The following AK8 variants were observed in gnomAD, a reference collection of about 807,000 sequenced individuals.
AK8 encodes ATP-AMP transphosphorylase 8.
Under a neutral mutation model 54.6 loss-of-function variants are expected in AK8, and 44 were observed. The ratio of observed to expected loss-of-function variants is 0.81; its 90% CI spans 0.63 to 1.04. The LOEUF (loss-of-function observed/expected upper bound fraction) is 1.04. Ranked by LOEUF, AK8 falls within the 50% of genes least tolerant of loss-of-function variation. The pLI, the probability that AK8 is intolerant of heterozygous loss-of-function variation, is 0.00. For synonymous variants in AK8, 239 were observed against 245.6 expected, an observed-to-expected ratio of 0.97 and a Z score of 0.25; for missense variants, 555 against 613.6, an observed-to-expected ratio of 0.90 and a Z score of 1.01.
In AK8 at chr9:132,878,247, G is replaced by A. The variant is rs748378966; in HGVS notation, c.9C>T (p.Ala3=). The A allele has an allele frequency of 7.2e-7, 1 of 1,395,806 alleles. No homozygotes were observed. The highest frequency in any genetic ancestry group is 9.4e-7 in the Non-Finnish European group (1 of 1,067,204). The allele number at this position is 1,395,806 out of a possible 1,614,324, so 86.5% of individuals were successfully genotyped here. ...GGGGGATACGGTGCGGGGCGATAGT[G>A]GCGTCCATGTAGCCGTCTCGGCTCG... The part of the protein sequence containing the change: MD[A]TIAPHRIPPE... Residue 3 remains alanine, a synonymous_variant, in exon 1 of 13, where the codon GCC becomes GCT. Transcript: ENST00000298545. The surrounding 1 kb of genome is among the most constrained non-coding windows in gnomAD (Gnocchi z 4.7).
At chr9:132,874,477 C>G (rs573312324) in intron 2 of AK8, 29 of 152,622 alleles carry the variant, frequency 1.9e-4, no homozygotes, top group African/African-American at 6.0e-4. Context: ...AGCTCCAAGA[C>G]ATCGGTCCTC....
Position 132,778,877 on chromosome 9 carries a change from A to G in AK8, c.1121+13757T>C, listed in dbSNP as rs569896520. 1.5e-4 allele frequency among the ~76,000 whole-genome samples: 23 copies of G among 152,280 alleles called. No homozygotes were observed. The East Asian group carries it at 4.2e-3, about 28-fold the overall frequency. On this transcript the variant is annotated intron_variant, in intron 11 of 12. Coordinates refer to ENST00000298545, the MANE Select transcript of AK8 (RefSeq NM_152572.3). ...TTGCTTCAGTTTGAATTGAAAAAAA[A>G]AAAATTTCCAGTTTTCTTGGCTCGA... is the stretch of plus-strand genomic sequence containing the variant.
intron 11 of AK8, among the ~76,000 whole-genome samples, chr9:132,763,791 A>G (rs1838595153): frequency 6.6e-6 from 1 of 152,238 alleles, no homozygotes; most frequent in Non-Finnish European, 1.5e-5. Context: ...TTGCTTAATT[A>G]AAGTCTGCTG....
chr9:132,765,120 G>A (rs565681923), intron 11 of AK8, among the ~76,000 whole-genome samples: 10 of 151,754 alleles, frequency 6.6e-5, no homozygotes, highest in Admixed American at 2.0e-4. Context: ...CGGTGAAACC[G>A]CATCTCTACT....
At chr9:132,768,738 CAG>C (rs915568679) in intron 11 of AK8, among the ~76,000 whole-genome samples, 1 of 152,168 alleles carries the variant, frequency 6.6e-6, no homozygotes, top group African/African-American at 2.4e-5. Context: ...TGTCTGCTAA[CAG>C]AGGGTATTTA....
At chr9:132,806,768 C>G (rs928356334) in intron 10 of AK8, among the ~76,000 whole-genome samples, 2 of 152,230 alleles carry the variant, frequency 1.3e-5, no homozygotes, top group African/African-American at 2.4e-5. Flanking sequence ...GATCTGGACT[C>G]ACGGAAGGCT....
At chr9:132,764,358 A>G (rs996044927) in intron 11 of AK8, among the ~76,000 whole-genome samples, 6 of 152,158 alleles carry the variant, frequency 3.9e-5, no homozygotes, top group Non-Finnish European at 8.8e-5. Context: ...ATCAGGGCAG[A>G]AATAAAACTA....
At chr9:132,739,258 T>C (rs77885577) in intron 11 of AK8, among the ~76,000 whole-genome samples, 2 of 151,454 alleles carry the variant, frequency 1.3e-5, no homozygotes, top group African/African-American at 4.8e-5. Flanking sequence ...GAGACCAGCC[T>C]GGCCAAGACG....
intron 2 of AK8, among the ~76,000 whole-genome samples, chr9:132,869,364 C>T (rs1332764998): frequency 6.6e-6 from 1 of 152,212 alleles, no homozygotes; most frequent in East Asian, 1.9e-4. Context: ...GCCCATGATG[C>T]TGCTGTCACA....
intron 4 of AK8, among the ~76,000 whole-genome samples, chr9:132,862,329 CTT>C (rs78166067): frequency 6.9e-5 from 10 of 144,490 alleles, no homozygotes; most frequent in Admixed American, 1.4e-4. Flanking sequence ...CTTTCTCTCT[CTT>C]TTTTTTTTTT....
At chr9:132,823,590 G>A (rs1841746814) in intron 8 of AK8, among the ~76,000 whole-genome samples, 1 of 152,234 alleles carries the variant, frequency 6.6e-6, no homozygotes. Context: ...TCTCAACACA[G>A]GCGTCTAAAC....
intron 10 of AK8, among the ~76,000 whole-genome samples, chr9:132,804,567 G>A (rs1032687383): frequency 6.6e-6 from 1 of 151,948 alleles, no homozygotes; most frequent in African/African-American, 2.4e-5. Flanking sequence ...TCCCAGGGAG[G>A]GGGGTGGGAG....
intron 10 of AK8, among the ~76,000 whole-genome samples, chr9:132,813,396 A>G (rs750093686): frequency 3.3e-5 from 5 of 152,160 alleles, no homozygotes; most frequent in Non-Finnish European, 7.4e-5. Context: ...CTCCTCATCA[A>G]CCTGCTCCAT....
Position 132,799,152 on chromosome 9 carries a change from C to T in AK8, c.980-6377G>A, listed in dbSNP as rs1264700852. ...GGTTTTCCAGCAGGCACCAGAGGCCCCTCCTGCTGCGCCACGCCGCCGCCT... is the reference window on the plus strand; with the variant it reads ...GGTTTTCCAGCAGGCACCAGAGGCCTCTCCTGCTGCGCCACGCCGCCGCCT... On this transcript the variant is annotated intron_variant, in intron 10 of 12. Coordinates refer to ENST00000298545, the MANE Select transcript of AK8 (RefSeq NM_152572.3). The surrounding 1 kb of genome is among the most constrained non-coding windows in gnomAD (Gnocchi z 5.0). 6.6e-6 allele frequency among the ~76,000 whole-genome samples: 1 copy of T among 152,172 alleles called. No homozygotes were observed. The highest frequency in any genetic ancestry group is 2.4e-5 in the African/African-American group (1 of 41,420).
chr9:132,811,765 A>G (rs1269357207), intron 10 of AK8, among the ~76,000 whole-genome samples: 2 of 152,262 alleles, frequency 1.3e-5, no homozygotes, highest in Non-Finnish European at 2.9e-5. Context: ...CTCAGGCCTC[A>G]GGGTATCCTA....
At chr9:132,752,477 C>G (rs951121416) in intron 11 of AK8, among the ~76,000 whole-genome samples, 19 of 152,122 alleles carry the variant, frequency 1.2e-4, no homozygotes, top group Admixed American at 5.9e-4. Context: ...TCTCGATCTC[C>G]TGACCTCGTG....
intron 5 of AK8, among the ~76,000 whole-genome samples, chr9:132,832,147 TAAAA>T (rs11284702): frequency 1.9e-5 from 2 of 105,410 alleles, no homozygotes; most frequent in Admixed American, 1.1e-4. Context: ...CACTGACATT[TAAAA>T]AAAAAAAAAA....
At chr9:132,763,536 T>C (rs1316139336) in intron 11 of AK8, among the ~76,000 whole-genome samples, 2 of 152,268 alleles carry the variant, frequency 1.3e-5, no homozygotes, top group East Asian at 3.8e-4. Flanking sequence ...AAACAGACTG[T>C]AACTTATTTT....
intron 4 of AK8, among the ~76,000 whole-genome samples, chr9:132,862,964 T>A (rs940540350): frequency 1.3e-5 from 2 of 152,248 alleles, no homozygotes; most frequent in African/African-American, 4.8e-5. Context: ...CGTGCCACCA[T>A]GCCCAGCCAG....
Sources: gnomAD v4.1 joint callset for allele counts (sites outside exome capture counted in the v4.1 genomes callset) on GRCh38, gnomAD v4.1.1 for gene constraint, Gnocchi (gnomAD v3.1) non-coding constraint, MANE v1.5 for transcripts, NCBI Gene and HGNC (gene_info 2026-07-23, HGNC 2026-07-21) for gene names.